The following ANKH variants were observed in gnomAD, a reference collection of about 807,000 sequenced individuals.
ANKH encodes ANKH inorganic pyrophosphate transport regulator, also known as mineralization regulator ANKH.
In ANKH, 15 loss-of-function variants were observed where a neutral mutation model predicts 49.0. The ratio of observed to expected loss-of-function variants is 0.31; its 90% CI spans 0.20 to 0.47. ANKH has a LOEUF of 0.47. Ranked by LOEUF, ANKH falls within the 20% of genes least tolerant of loss-of-function variation. The pLI is 1.00. For missense variants in ANKH, 429 were observed against 652.0 expected, an observed-to-expected ratio of 0.66 and a Z score of 3.72; for synonymous variants, 273 against 260.0, an observed-to-expected ratio of 1.05 and a Z score of -0.48.
At chr5:14,718,843 A>G (rs1306972078) in intron 8 of ANKH, among the ~76,000 whole-genome samples, 23 of 146,992 alleles carry the variant, frequency 1.6e-4, no homozygotes, top group Non-Finnish European at 2.7e-4. Context: ...CCCCCCCAAA[A>G]AAAAAAGACA....
At chr5:14,862,714 C>T (rs1735532271) in intron 1 of ANKH, among the ~76,000 whole-genome samples, 1 of 152,204 alleles carries the variant, frequency 6.6e-6, no homozygotes, top group South Asian at 2.1e-4. Flanking sequence ...AGACATTTTG[C>T]TCTGTGCTGC....
intron 1 of ANKH, among the ~76,000 whole-genome samples, chr5:14,814,238 C>T (rs887608575): frequency 3.3e-5 from 5 of 152,182 alleles, no homozygotes; most frequent in African/African-American, 7.2e-5. Context: ...ACATAAACAA[C>T]GTGAGGGCAG....
chr5:14,761,701 G>A (rs749141881), intron 2 of ANKH, among the ~76,000 whole-genome samples: 4 of 147,750 alleles, frequency 2.7e-5, no homozygotes, highest in Admixed American at 1.3e-4. Flanking sequence ...ACCCTATACC[G>A]TAAATCAATG....
At chr5:14,759,493 G>C (rs1739003279) in intron 2 of ANKH, among the ~76,000 whole-genome samples, 1 of 152,106 alleles carries the variant, frequency 6.6e-6, no homozygotes, top group South Asian at 2.1e-4. Flanking sequence ...GCTCATGCCT[G>C]TAATCCCAGT....
In ANKH at chr5:14,710,970, T is replaced by C. The variant is rs1313275759; in HGVS notation, c.*227A>G. 5 of 534,856 alleles carry C rather than the reference T, an allele frequency of 9.3e-6. No homozygotes were observed. In the South Asian group the frequency reaches 1.0e-4, roughly 11 times the overall value. The allele number at this position is 534,856 out of a possible 1,614,324, so 33.1% of individuals were successfully genotyped here. On this transcript the variant is annotated 3_prime_UTR_variant, in exon 12 of 12. Transcript: ENST00000284268. ...AGGCAGGGGTATGAAGTCAGTTGTT[T>C]CGTTTGTTTTTACATAGCAACAGTA...
intron 1 of ANKH, among the ~76,000 whole-genome samples, chr5:14,863,401 T>A (rs191305619): frequency 2.6e-5 from 4 of 152,240 alleles, no homozygotes; most frequent in Non-Finnish European, 4.4e-5. Flanking sequence ...CCTCCAAAGA[T>A]GCTATGTTAT....
At position 14,737,265 on chromosome 5, in the gene ANKH, T is replaced by C. The variant is rs968670692; in HGVS notation, c.1011+4562A>G. Among the ~76,000 whole-genome samples the C allele has an allele frequency of 2.6e-5, 4 of 152,296 alleles. No homozygotes were observed. Among genetic ancestry groups the C allele is most frequent in the South Asian group, 2.1e-4 (1 of 4,830 alleles). On this transcript the variant is annotated intron_variant, in intron 8 of 11. Coordinates refer to ENST00000284268, the MANE Select transcript of ANKH (RefSeq NM_054027.6). The surrounding 1 kb of genome is among the most constrained non-coding windows in gnomAD (Gnocchi z 5.0). ...AAGGACTGTTGGAAGATACAGCCCA[T>C]GCCGGTGAGTGGTTTCTATCTTATC... is the stretch of plus-strand genomic sequence containing the variant.
At position 14,776,633 on chromosome 5, in the gene ANKH, G is replaced by T. The variant is rs1313941681; in HGVS notation, c.97-7442C>A. ...AGTCCCAAATACTGCTGCATCTCTA[G>T]CCAAGACCAGGAAGAAGGTGCTGTG... On this transcript the variant is annotated intron_variant, in intron 1 of 11. Transcript: ENST00000284268. 2.6e-5 allele frequency among the ~76,000 whole-genome samples: 4 copies of T among 152,298 alleles called. No homozygotes were observed. In the East Asian group the frequency reaches 5.8e-4, roughly 22 times the overall value.
At position 14,707,399 on chromosome 5, in the gene ANKH, T is replaced by A. The variant is rs1430771574; in HGVS notation, c.*3798A>T. ...CCCCCTGCCCCTTCCCTCCAGAAGA[T>A]CCCCAAATGGGGAACAAGTAAGAGA... On this transcript the variant is annotated 3_prime_UTR_variant, in exon 12 of 12. Transcript: ENST00000284268. 6.6e-6 allele frequency: 1 copy of A among 152,094 alleles called. No individual in the cohort carries two copies. Among genetic ancestry groups the A allele is most frequent in the Admixed American group, 6.5e-5 (1 of 15,282 alleles). 9.4% of individuals were successfully genotyped at this position (152,094 alleles called of 1,614,324 possible). A position where few individuals can be genotyped will look rare whatever the true frequency, so the allele number is the denominator to read the frequency against.
chr5:14,733,661 AG>A (rs1187309199), intron 8 of ANKH, among the ~76,000 whole-genome samples: 1 of 152,120 alleles, frequency 6.6e-6, no homozygotes, highest in Non-Finnish European at 1.5e-5. Flanking sequence ...GTAATTTTTG[AG>A]GTATTTTGAG....
intron 1 of ANKH, among the ~76,000 whole-genome samples, chr5:14,811,294 G>T (rs930019977): frequency 6.6e-6 from 1 of 152,176 alleles, no homozygotes; most frequent in African/African-American, 2.4e-5. Context: ...CACAGCGACA[G>T]GGAAGGGGGA....
At position 14,813,319 on chromosome 5, in the gene ANKH, A is replaced by G. The variant is rs140879385; in HGVS notation, c.97-44128T>C. Among the ~76,000 whole-genome samples, 353 of 152,278 alleles carry G rather than the reference A, an allele frequency of 2.3e-3. 3 individuals are homozygous for G. The highest frequency in any genetic ancestry group is 8.1e-3 in the African/African-American group (337 of 41,570). On this transcript the variant is annotated intron_variant, in intron 1 of 11. Transcript: ENST00000284268. ...TCAATGCAGTAAAGGTTTTGGAATG[A>G]TACAGGATGGTGTTAAAGACAGGCC...
At chr5:14,778,488 C>G (rs890262658) in intron 1 of ANKH, among the ~76,000 whole-genome samples, 2 of 152,154 alleles carry the variant, frequency 1.3e-5, no homozygotes, top group African/African-American at 4.8e-5. Context: ...TACTCTGCTT[C>G]AAGTGCACAC....
At chr5:14,815,834 C>T (rs1370883465) in intron 1 of ANKH, among the ~76,000 whole-genome samples, 3 of 152,198 alleles carry the variant, frequency 2.0e-5, no homozygotes, top group African/African-American at 4.8e-5. Context: ...AAGTCAAACA[C>T]GATCGGGAAT....
At chr5:14,834,201 C>T (rs766960357) in intron 1 of ANKH, among the ~76,000 whole-genome samples, 3 of 151,138 alleles carry the variant, frequency 2.0e-5, no homozygotes, top group Non-Finnish European at 2.9e-5. Context: ...TGCTGTCTGA[C>T]CCTAGACAAG....
rs1388278121 is a variant in ANKH at position 14,708,549 on chromosome 5, ATC to A, written c.*2646_*2647del. 1.3e-5 allele frequency: 2 copies of A among 152,202 alleles called. No individual in the cohort carries two copies. The highest frequency in any genetic ancestry group is 2.9e-5 in the Non-Finnish European group (2 of 68,042). The allele number at this position is 152,202 out of a possible 1,614,324, so 9.4% of individuals were successfully genotyped here. On this transcript the variant is annotated 3_prime_UTR_variant, in exon 12 of 12. Coordinates refer to ENST00000284268, the MANE Select transcript of ANKH (RefSeq NM_054027.6). Reference sequence around the variant, plus strand: ...GAGAAAGGTCACCCTCCCTGGTTTGATCTCTCATGTCTAGCTGGATGATGGGA... The same window carrying A: ...GAGAAAGGTCACCCTCCCTGGTTTGATCTCATGTCTAGCTGGATGATGGGA...
At chr5:14,731,880 G>A (rs189746922) in intron 8 of ANKH, among the ~76,000 whole-genome samples, 23 of 152,360 alleles carry the variant, frequency 1.5e-4, no homozygotes, top group Non-Finnish European at 2.5e-4. Flanking sequence ...TACGGCCACA[G>A]CTGTGTGGGA....
Position 14,749,363 on chromosome 5 carries a change from AC to A in ANKH, c.688-58del. 3 of 1,589,590 alleles carry A rather than the reference AC, an allele frequency of 1.9e-6. No homozygotes were observed. The South Asian group carries it at 3.3e-5, about 18-fold the overall frequency. ...GAACTCTAGAAGCAGAATGGAAAAA[AC>A]GATTCAGAATCAAAGCTTTTCCTTC... On this transcript the variant is annotated intron_variant, in intron 5 of 11. Transcript: ENST00000284268.
In ANKH at chr5:14,797,975, T is replaced by C. The variant is rs1740444570; in HGVS notation, c.97-28784A>G. 29 of 1,564,050 alleles carry C rather than the reference T, an allele frequency of 1.9e-5. No individual in the cohort carries two copies. In the South Asian group the frequency reaches 2.9e-4, roughly 16 times the overall value. On this transcript the variant is annotated intron_variant, in intron 1 of 11. Transcript: ENST00000284268. ...CAAGAATATCACTGGAAGGAGTCTT[T>C]GTTGTGATGATACAAGGGTTCTGGG...
Sources: gnomAD v4.1 joint callset for allele counts (sites outside exome capture counted in the v4.1 genomes callset) on GRCh38, gnomAD v4.1.1 for gene constraint, Gnocchi (gnomAD v3.1) non-coding constraint, MANE v1.5 for transcripts, NCBI Gene and HGNC (gene_info 2026-07-23, HGNC 2026-07-21) for gene names.